Variants in GMDS observed in about 807,000 individuals in gnomAD.
GMDS encodes GDP-mannose 4,6-dehydratase.
A neutral mutation model predicts 49.9 loss-of-function variants in GMDS; 20 were observed. The ratio of observed to expected loss-of-function variants is 0.40; its 90% confidence interval spans 0.28 to 0.58. The LOEUF (loss-of-function observed/expected upper bound fraction) is 0.58. Ranked by LOEUF, GMDS falls within the 20% of genes least tolerant of loss-of-function variation. The probability of loss-of-function intolerance (pLI) is 0.42; values close to 1 mark genes in which losing one functional copy is unlikely to be tolerated. For synonymous variants in GMDS, 177 were observed against 178.6 expected (o/e 0.99, Z 0.07); for missense variants, 362 against 481.4 (o/e 0.75, Z 2.32).
intron 7 of GMDS, among the ~76,000 whole-genome samples, chr6:1,893,152 G>A (rs1004882374): frequency 4.0e-5 from 6 of 151,722 alleles, no homozygotes; most frequent in South Asian, 2.1e-4. Flanking sequence ...GAAGGAGCAT[G>A]AGCAGAGAAC....
intron 9 of GMDS, among the ~76,000 whole-genome samples, chr6:1,686,677 CCT>C (rs1473635040): frequency 6.6e-6 from 1 of 152,172 alleles, no homozygotes; most frequent in African/African-American, 2.4e-5. Flanking sequence ...ACCATCTTTC[CCT>C]CTGAGTAAAG....
At chr6:2,207,717 G>A (rs990724944) in intron 1 of GMDS, among the ~76,000 whole-genome samples, 3 of 151,830 alleles carry the variant, frequency 2.0e-5, no homozygotes, top group Admixed American at 6.6e-5. Context: ...CTATTGTTAC[G>A]TAAAAATAAA....
chr6:1,845,859 G>A (rs1051779295), intron 7 of GMDS, among the ~76,000 whole-genome samples: 10 of 152,090 alleles, frequency 6.6e-5, no homozygotes, highest in Admixed American at 6.5e-5. Context: ...CCTGCTGTGC[G>A]GCCTGGTTCC....
intron 7 of GMDS, among the ~76,000 whole-genome samples, chr6:1,850,417 T>G (rs191261235): frequency 1.3e-3 from 196 of 152,380 alleles, no homozygotes; most frequent in African/African-American, 4.1e-3. Flanking sequence ...AGTTTTCAGT[T>G]AATTTACAAT....
intron 7 of GMDS, among the ~76,000 whole-genome samples, chr6:1,771,680 T>G (rs896707345): frequency 6.6e-6 from 1 of 152,248 alleles, no homozygotes; most frequent in African/African-American, 2.4e-5. Flanking sequence ...CAAATCTTAC[T>G]GTAACCTGTG....
intron 9 of GMDS, among the ~76,000 whole-genome samples, chr6:1,660,527 T>C (rs890044019): frequency 6.6e-6 from 1 of 151,554 alleles, no homozygotes; most frequent in Non-Finnish European, 1.5e-5. Context: ...AGAACGGATG[T>C]AGGGGGTCAC....
intron 4 of GMDS, among the ~76,000 whole-genome samples, chr6:2,050,404 A>G (rs527989148): frequency 3.5e-4 from 53 of 152,314 alleles, no homozygotes; most frequent in African/African-American, 1.2e-3. Context: ...CCAACCAAAA[A>G]AAGTCCAGGA....
In GMDS at chr6:1,648,883, A is replaced by C. The variant is rs1054694677; in HGVS notation, c.988-24343T>G. 7.9e-5 allele frequency among the ~76,000 whole-genome samples: 12 copies of C among 152,228 alleles called. 1 individual carries two copies. Among genetic ancestry groups the C allele is most frequent in the Admixed American group, 6.5e-4 (10 of 15,286 alleles). The stretch of plus-strand genomic sequence containing the variant: ...TGCTGATAAAAGATCTAAAACATAC[A>C]GTCTTCCGAGAGCTCTTATTTGACT... On this transcript the variant is annotated intron_variant, in intron 9 of 10. Coordinates refer to ENST00000380815, the MANE Select transcript of GMDS (RefSeq NM_001500.4).
At chr6:1,673,999 G>A (rs912641307) in intron 9 of GMDS, among the ~76,000 whole-genome samples, 1 of 91,340 alleles carries the variant, frequency 1.1e-5, no homozygotes, top group African/African-American at 3.7e-5. Context: ...ACATCTATGC[G>A]CAGGTTTTTC....
chr6:1,685,018 C>T lies in GMDS; in HGVS notation c.987+41398G>A, dbSNP rs139981727. Among the ~76,000 whole-genome samples the T allele has an allele frequency of 5.7e-3, 861 of 149,896 alleles. 4 individuals carry two copies. The highest frequency in any genetic ancestry group is 6.7e-3 in the Non-Finnish European group (455 of 67,534). On this transcript the variant is annotated intron_variant, in intron 9 of 10. Coordinates refer to ENST00000380815, the MANE Select transcript of GMDS (RefSeq NM_001500.4). The stretch of plus-strand genomic sequence containing the variant: ...CAAAACTGCTCCCTCTCTCCCCCCC[C>T]TTTTTTTTTAACTACTTACCCACCT...
At chr6:2,030,852 C>T (rs561758232) in intron 4 of GMDS, among the ~76,000 whole-genome samples, 1 of 152,100 alleles carries the variant, frequency 6.6e-6, no homozygotes, top group Non-Finnish European at 1.5e-5. Context: ...ATATGTTTCA[C>T]TAAAATGTGA....
At chr6:1,956,501 TTAGAGAAAAAG>T (rs576896203) in intron 6 of GMDS, among the ~76,000 whole-genome samples, 12 of 152,144 alleles carry the variant, frequency 7.9e-5, no homozygotes, top group Non-Finnish European at 1.6e-4. Context: ...TTACACTTTG[TTAGAGAAAAAG>T]TATATGGCCC....
At chr6:1,803,886 A>C (rs1420595591) in intron 7 of GMDS, among the ~76,000 whole-genome samples, 1 of 152,212 alleles carries the variant, frequency 6.6e-6, no homozygotes, top group Non-Finnish European at 1.5e-5. Flanking sequence ...GGAAATATAC[A>C]GTAAAGAGTT....
chr6:1,759,751 G>A (rs746431793), intron 7 of GMDS, among the ~76,000 whole-genome samples: 9 of 152,178 alleles, frequency 5.9e-5, no homozygotes, highest in Non-Finnish European at 2.9e-5. Context: ...AGAGGCTTCA[G>A]GTAGTTATCA....
chr6:1,699,591 C>A (rs1037354335), intron 9 of GMDS, among the ~76,000 whole-genome samples: 1 of 152,164 alleles, frequency 6.6e-6, no homozygotes, highest in South Asian at 2.1e-4. Flanking sequence ...TGGCTCGCAG[C>A]CCCTTCCTTG....
intron 9 of GMDS, among the ~76,000 whole-genome samples, chr6:1,660,569 CAT>C (rs199844591): frequency 0.02 from 3,057 of 151,684 alleles, 104 homozygotes; most frequent in African/African-American, 0.068. Flanking sequence ...AAAATGAAAA[CAT>C]GTGTCAATGA....
rs371493706 is a variant in GMDS at position 1,747,175 on chromosome 6, AC to A, written c.772-4590del. 4.5e-4 allele frequency among the ~76,000 whole-genome samples: 68 copies of A among 151,954 alleles called. 1 individual carries two copies. Among genetic ancestry groups the A allele is most frequent in the African/African-American group, 1.6e-3 (65 of 41,430 alleles). On this transcript the variant is annotated intron_variant, in intron 7 of 10. Transcript: ENST00000380815. ...CAGAGCTGGACCAATGAAGGAGAAC[AC>A]TCAAAGTGCATCACCACAGCCGACT... is the stretch of plus-strand genomic sequence containing the variant.
Position 1,971,122 on chromosome 6 carries a change from T to C in GMDS, c.346-10156A>G, listed in dbSNP as rs980434057. ...GCAATGTTTGGGGAATAAAGTGCTA[T>C]ATTTATGTAATGTAAGTAGAAGCTA... On this transcript the variant is annotated intron_variant, in intron 4 of 10. Coordinates refer to ENST00000380815, the MANE Select transcript of GMDS (RefSeq NM_001500.4). Among the ~76,000 whole-genome samples the C allele has an allele frequency of 7.9e-5, 12 of 152,272 alleles. No homozygotes were observed. The East Asian group carries it at 9.6e-4, about 12-fold the overall frequency.
chr6:1,728,191 T>C (rs1338025551), intron 8 of GMDS, among the ~76,000 whole-genome samples: 4 of 152,198 alleles, frequency 2.6e-5, no homozygotes, highest in African/African-American at 4.8e-5. Flanking sequence ...TTAGCTAATA[T>C]CCACAGGAAG....
Sources: gnomAD v4.1 joint callset for allele counts (sites outside exome capture counted in the v4.1 genomes callset) on GRCh38, gnomAD v4.1.1 for gene constraint, MANE v1.5 for transcripts, NCBI Gene and HGNC (gene_info 2026-07-23, HGNC 2026-07-21) for gene names.